The following DNM3 variants were observed in gnomAD, a reference collection of about 807,000 sequenced individuals.
The protein encoded by DNM3 is dynamin-3.
In DNM3, 47 loss-of-function variants were observed where a neutral mutation model predicts 101.6. The ratio of observed to expected loss-of-function variants is 0.46; its 90% CI spans 0.37 to 0.59. DNM3 has a LOEUF of 0.59. Ranked by LOEUF, DNM3 falls within the 20% of genes least tolerant of loss-of-function variation. The pLI is 0.00. For synonymous variants in DNM3, 385 were observed against 387.9 expected (o/e 0.99, Z 0.09); for missense variants, 849 against 1,085.7 (o/e 0.78, Z 3.06).
At chr1:172,373,690 T>C (rs574229921) in intron 17 of DNM3, among the ~76,000 whole-genome samples, 1 of 152,146 alleles carries the variant, frequency 6.6e-6, no homozygotes, top group East Asian at 1.9e-4. Context: ...GCAAAGATAG[T>C]TTTGTTTTTT....
At chr1:172,311,358 A>C (rs1186628378) in intron 16 of DNM3, 8 of 151,220 alleles carry the variant, frequency 5.3e-5, no homozygotes, top group Admixed American at 1.3e-4. Flanking sequence ...CTTAACATGC[A>C]ACTATAATGT....
In DNM3 at chr1:172,032,663, GTATGTTCCCAAATGA is replaced by G. The variant is rs575841282; in HGVS notation, c.688+167_688+181del. On this transcript the variant is annotated intron_variant, in intron 5 of 20. Transcript: ENST00000627582. ...TTAGTTATACTTTTCTGGAATGGCT[GTATGTTCCCAAATGA>G]TATACTAGAAAATAATCCAAAGGGA... Among the ~76,000 whole-genome samples the G allele has an allele frequency of 1.7e-3, 261 of 150,198 alleles. 1 individual carries two copies. Among genetic ancestry groups the G allele is most frequent in the South Asian group, 4.6e-3 (22 of 4,754 alleles).
chr1:172,168,052 T>C (rs1462332502), intron 14 of DNM3, among the ~76,000 whole-genome samples: 2 of 152,056 alleles, frequency 1.3e-5, no homozygotes, highest in African/African-American at 4.8e-5. Context: ...TTATACTCTT[T>C]AGCATTCATG....
At chr1:171,938,227 T>C (rs2041580111) in intron 2 of DNM3, among the ~76,000 whole-genome samples, 2 of 152,152 alleles carry the variant, frequency 1.3e-5, no homozygotes, top group African/African-American at 4.8e-5. Flanking sequence ...TTCAAGACCT[T>C]TCACTATCAG....
At chr1:172,101,129 T>A (rs541124002) in intron 13 of DNM3, among the ~76,000 whole-genome samples, 16 of 152,304 alleles carry the variant, frequency 1.1e-4, no homozygotes, top group African/African-American at 3.6e-4. Context: ...GGATAGACGC[T>A]GGAGAAGGTG....
chr1:171,869,230 C>T (rs1482466988), intron 1 of DNM3, among the ~76,000 whole-genome samples: 3 of 152,124 alleles, frequency 2.0e-5, no homozygotes, highest in Admixed American at 6.6e-5. Context: ...GCTTTCCACT[C>T]TGAATTAAGG....
intron 14 of DNM3, among the ~76,000 whole-genome samples, chr1:172,241,787 C>A (rs1465876877): frequency 1.3e-5 from 2 of 152,094 alleles, no homozygotes; most frequent in African/African-American, 2.4e-5. Flanking sequence ...ACACACTCTG[C>A]CGGTCTCTCA....
intron 10 of DNM3, among the ~76,000 whole-genome samples, chr1:172,057,451 C>T (rs1374962621): frequency 1.3e-5 from 2 of 152,140 alleles, no homozygotes; most frequent in African/African-American, 2.4e-5. Flanking sequence ...AGAGAAAGGT[C>T]GAGTTACCCT....
At chr1:172,025,099 G>A (rs139589396) in intron 4 of DNM3, among the ~76,000 whole-genome samples, 134 of 152,332 alleles carry the variant, frequency 8.8e-4, no homozygotes, top group African/African-American at 3.1e-3. Flanking sequence ...GACCTGGGAC[G>A]CTTGAGCTTT....
At chr1:172,094,036 C>T (rs2054089306) in intron 13 of DNM3, among the ~76,000 whole-genome samples, 1 of 152,120 alleles carries the variant, frequency 6.6e-6, no homozygotes, top group Non-Finnish European at 1.5e-5. Flanking sequence ...TAATTAAAAT[C>T]ATTAATGATC....
intron 2 of DNM3, among the ~76,000 whole-genome samples, chr1:171,982,201 A>G (rs902979445): frequency 6.6e-6 from 1 of 152,214 alleles, no homozygotes; most frequent in Non-Finnish European, 1.5e-5. Flanking sequence ...ACTATGGTAT[A>G]CTATGGTTTA....
intron 13 of DNM3, chr1:172,093,833 T>C (rs768693783): frequency 3.1e-5 from 35 of 1,134,200 alleles, no homozygotes; most frequent in Non-Finnish European, 4.1e-5. Context: ...ACTAATTTTT[T>C]TTAAACTTAG....
chr1:171,967,501 CAAG>C (rs955011814), intron 2 of DNM3, among the ~76,000 whole-genome samples: 13 of 152,026 alleles, frequency 8.6e-5, no homozygotes, highest in African/African-American at 2.4e-4. Context: ...CTTATTTTCC[CAAG>C]AAGAAGAGGG....
chr1:172,147,782 T>A (rs1308468100), intron 14 of DNM3, among the ~76,000 whole-genome samples: 3 of 152,124 alleles, frequency 2.0e-5, no homozygotes, highest in Non-Finnish European at 2.9e-5. Context: ...AAATTAATCA[T>A]CATTATCCAT....
In DNM3 at chr1:172,103,924, C is replaced by T. The variant is rs995335826; in HGVS notation, c.1545+11049C>T. 6.7e-4 allele frequency among the ~76,000 whole-genome samples: 102 copies of T among 152,220 alleles called. 1 individual carries two copies. Among genetic ancestry groups the T allele is most frequent in the African/African-American group, 2.1e-3 (89 of 41,532 alleles). ...GCTGAGGCAGGAGAATCACTTGAAC[C>T]AGGGAGTTGGAGGTTGCAGTGAGCC... is the stretch of plus-strand genomic sequence containing the variant. On this transcript the variant is annotated intron_variant, in intron 13 of 20. Transcript: ENST00000627582.
Position 172,276,903 on chromosome 1 carries a change from G to A in DNM3, c.1769+23221G>A, listed in dbSNP as rs116632703. 4.1e-3 allele frequency among the ~76,000 whole-genome samples: 631 copies of A among 152,094 alleles called. 11 individuals carry two copies. Among genetic ancestry groups the A allele is most frequent in the African/African-American group, 0.014 (593 of 41,520 alleles). On this transcript the variant is annotated intron_variant, in intron 15 of 20. Transcript: ENST00000627582. The stretch of plus-strand genomic sequence containing the variant: ...ATTTGTGACAATAATGAATGAATAA[G>A]TACATATTTAAGCTTTCAAATAGCC...
chr1:171,924,356 T>G (rs1447389541), intron 2 of DNM3, among the ~76,000 whole-genome samples: 2 of 152,184 alleles, frequency 1.3e-5, no homozygotes, highest in African/African-American at 2.4e-5. Context: ...TTTTTGACTT[T>G]TTAACAATAG....
intron 14 of DNM3, among the ~76,000 whole-genome samples, chr1:172,159,413 C>G (rs565385227): frequency 2.0e-5 from 3 of 152,186 alleles, no homozygotes; most frequent in African/African-American, 7.2e-5. Context: ...ATATAGTCTG[C>G]TCCACCTAGA....
chr1:172,027,366 C>T (rs1056700058), intron 4 of DNM3, among the ~76,000 whole-genome samples: 3 of 151,990 alleles, frequency 2.0e-5, no homozygotes, highest in Non-Finnish European at 2.9e-5. Context: ...GGGTGGATCA[C>T]GAGGTCAGGA....
Sources: gnomAD v4.1 joint callset for allele counts (sites outside exome capture counted in the v4.1 genomes callset) on GRCh38, gnomAD v4.1.1 for gene constraint, MANE v1.5 for transcripts, NCBI Gene and HGNC (gene_info 2026-07-23, HGNC 2026-07-21) for gene names.